The following RPTOR variants were observed in gnomAD, a reference collection of about 807,000 sequenced individuals.
RPTOR encodes the protein regulatory associated protein of MTOR complex 1, also known as regulatory-associated protein of mTOR.
Under a neutral mutation model 169.9 loss-of-function variants are expected in RPTOR, and 21 were observed. That is an observed-to-expected ratio of 0.12 (90% CI 0.09 to 0.18). RPTOR has a LOEUF of 0.18. Ranked by LOEUF, RPTOR falls within the 10% of genes least tolerant of loss-of-function variation. The pLI, the probability that RPTOR is intolerant of heterozygous loss-of-function variation, is 1.00. For missense variants in RPTOR, 1,133 were observed against 1,855.9 expected, an observed-to-expected ratio of 0.61 and a Z score of 7.16; for synonymous variants, 732 against 753.2, an observed-to-expected ratio of 0.97 and a Z score of 0.46.
Position 80,959,343 on chromosome 17 carries a change from G to T in RPTOR, c.3478-735G>T, listed in dbSNP as rs1247922913. ...CAGTGGGGGCTTAGAGGCCCAGGTGGCCTGCGGGGCAGGTGCTGTTCCTGC... is the reference window on the plus strand; with the variant it reads ...CAGTGGGGGCTTAGAGGCCCAGGTGTCCTGCGGGGCAGGTGCTGTTCCTGC... On this transcript the variant is annotated intron_variant, in intron 29 of 33. Transcript: ENST00000306801. The surrounding 1 kb of genome is among the most constrained non-coding windows in gnomAD (Gnocchi z 6.7). Among the ~76,000 whole-genome samples, 1 of 152,184 alleles carries T rather than the reference G, an allele frequency of 6.6e-6. No homozygotes were observed. The highest frequency in any genetic ancestry group is 2.4e-5 in the African/African-American group (1 of 41,456).
At position 80,966,359 on chromosome 17, in the gene RPTOR, C is replaced by T; in HGVS notation, c.*2029C>T. ...GCAGAGAGTGACCAACAGTAAACAA[C>T]ACGCGCAGACTCCGCGGCTGGCGGC... On this transcript the variant is annotated 3_prime_UTR_variant, in exon 34 of 34. Coordinates refer to ENST00000306801, the MANE Select transcript of RPTOR (RefSeq NM_020761.3). 4.4e-6 allele frequency: 1 copy of T among 226,740 alleles called. No individual in the cohort carries two copies. The highest frequency in any genetic ancestry group is 6.3e-5 in the East Asian group (1 of 15,800). 14.0% of individuals were successfully genotyped at this position (226,740 alleles called of 1,614,324 possible). A position where few individuals can be genotyped will look rare whatever the true frequency, so the allele number is the denominator to read the frequency against.
chr17:80,900,562 C>T (rs928173283), intron 20 of RPTOR, among the ~76,000 whole-genome samples: 4 of 152,292 alleles, frequency 2.6e-5, no homozygotes, highest in South Asian at 2.1e-4. Flanking sequence ...GTGATCTGCG[C>T]GCCTCAGCCT....
At position 80,925,489 on chromosome 17, in the gene RPTOR, G is replaced by A. The variant is rs758800999; in HGVS notation, c.2919+9G>A. The A allele has an allele frequency of 2.3e-5, 37 of 1,605,524 alleles. 1 individual carries two copies. The highest frequency in any genetic ancestry group is 8.9e-5 in the East Asian group (4 of 44,838). On this transcript the variant is annotated intron_variant, in intron 24 of 33. Coordinates refer to ENST00000306801, the MANE Select transcript of RPTOR (RefSeq NM_020761.3). ...CCCAGCCCGTCATGAAGGTGCGCCC[G>A]GGGTGTGGGGTTCAGAGTAGAGTCC...
intron 3 of RPTOR, among the ~76,000 whole-genome samples, chr17:80,682,117 C>G (rs113675891): frequency 3.1e-5 from 4 of 127,928 alleles, no homozygotes; most frequent in Non-Finnish European, 6.5e-5. Context: ...TCCCCCCCCC[C>G]ACCCCAAACA....
chr17:80,963,027 C>T lies in RPTOR; in HGVS notation c.3909C>T (p.Ala1303=), dbSNP rs199535107. Residue 1303 remains alanine, a synonymous_variant, in exon 33 of 34, where the codon GCC becomes GCT. Coordinates refer to ENST00000306801, the MANE Select transcript of RPTOR (RefSeq NM_020761.3). ...GCTTCATGGGCCAGCGGGTCGGCGC[C>T]ATCAGCTGCCTGGCCTTCCACCCGC... ...YDGFMGQRVG[A]ISCLAFHPHW... 10 of 1,604,396 alleles carry T rather than the reference C, an allele frequency of 6.2e-6. No individual in the cohort carries two copies. The African/African-American group carries it at 1.1e-4, about 17-fold the overall frequency.
At chr17:80,743,711 T>TG (rs2066510086) in intron 5 of RPTOR, among the ~76,000 whole-genome samples, 1 of 70,142 alleles carries the variant, frequency 1.4e-5, no homozygotes. Context: ...CTACTAGCAC[T>TG]GTCCTGGCTA....
chr17:80,716,030 G>A (rs1440887620), intron 4 of RPTOR, among the ~76,000 whole-genome samples: 4 of 152,154 alleles, frequency 2.6e-5, no homozygotes, highest in Admixed American at 6.5e-5. Context: ...ATAAACATGC[G>A]TGTGCAAGTA....
intron 1 of RPTOR, among the ~76,000 whole-genome samples, chr17:80,599,134 C>G (rs1296648929): frequency 6.6e-6 from 1 of 152,130 alleles, no homozygotes; most frequent in Non-Finnish European, 1.5e-5. Flanking sequence ...TCCCTGTTCC[C>G]TCCCGTTGAA....
chr17:80,915,981 T>G (rs1411679837), intron 21 of RPTOR, among the ~76,000 whole-genome samples: 1 of 152,162 alleles, frequency 6.6e-6, no homozygotes, highest in Non-Finnish European at 1.5e-5. Flanking sequence ...AGCTACCAAC[T>G]GTGGGTCTCC....
At position 80,789,205 on chromosome 17, in the gene RPTOR, A is replaced by G. The variant is rs149174066; in HGVS notation, c.831-2245A>G. ...TCTGGCCAACTATGAATCTGTTTTT[A>G]TTGACTTTTTTCTCTTGATTTTAGA... On this transcript the variant is annotated intron_variant, in intron 6 of 33. Coordinates refer to ENST00000306801, the MANE Select transcript of RPTOR (RefSeq NM_020761.3). Among the ~76,000 whole-genome samples the G allele has an allele frequency of 2.1e-4, 32 of 152,122 alleles. No homozygotes were observed. The East Asian group carries it at 5.6e-3, about 27-fold the overall frequency.
intron 1 of RPTOR, among the ~76,000 whole-genome samples, chr17:80,572,162 A>G (rs969252447): frequency 1.3e-5 from 2 of 152,140 alleles, no homozygotes; most frequent in Non-Finnish European, 2.9e-5. Flanking sequence ...CAGTGGCACC[A>G]TCACGGCTCA....
rs2067372918 is a variant in RPTOR at position 80,820,975 on chromosome 17, T to C, written c.891-1226T>C. 6.6e-6 allele frequency among the ~76,000 whole-genome samples: 1 copy of C among 152,244 alleles called. No homozygotes were observed. Among genetic ancestry groups the C allele is most frequent in the Non-Finnish European group, 1.5e-5 (1 of 68,030 alleles). On this transcript the variant is annotated intron_variant, in intron 7 of 33. Coordinates refer to ENST00000306801, the MANE Select transcript of RPTOR (RefSeq NM_020761.3). The surrounding 1 kb of genome is among the most constrained non-coding windows in gnomAD (Gnocchi z 4.1). The stretch of plus-strand genomic sequence containing the variant: ...AATCTTTGTTTGAGACTTCCGGCAT[T>C]GTTTGAGCAGCAGTGCTGCTTTAGA...
intron 3 of RPTOR, among the ~76,000 whole-genome samples, chr17:80,700,385 A>T (rs867150421): frequency 3.3e-5 from 5 of 149,324 alleles, no homozygotes; most frequent in Middle Eastern, 3.2e-3. Context: ...GGTGGTGGTG[A>T]TGGTGGTAGT....
At chr17:80,658,068 T>G (rs1382837465) in intron 3 of RPTOR, among the ~76,000 whole-genome samples, 1 of 152,218 alleles carries the variant, frequency 6.6e-6, no homozygotes, top group Non-Finnish European at 1.5e-5. Flanking sequence ...TGCAAGAATC[T>G]TGATGCATTT....
At chr17:80,759,594 C>T (rs1197979726) in intron 6 of RPTOR, among the ~76,000 whole-genome samples, 2 of 151,700 alleles carry the variant, frequency 1.3e-5, no homozygotes, top group African/African-American at 4.8e-5. Context: ...TGTCTATGGC[C>T]TGTGAGTGGT....
chr17:80,811,503 T>C (rs2067271336), intron 7 of RPTOR, among the ~76,000 whole-genome samples: 1 of 152,186 alleles, frequency 6.6e-6, no homozygotes, highest in African/African-American at 2.4e-5. Context: ...ATCTCACATG[T>C]GTTCTTCTCT....
chr17:80,760,307 C>CTTTTTTTTTTTTTTT (rs71164001), intron 6 of RPTOR, among the ~76,000 whole-genome samples: 1 of 116,508 alleles, frequency 8.6e-6, no homozygotes, highest in South Asian at 2.8e-4. Flanking sequence ...TTTCTTTTTT[C>CTTTTTTTTTTTTTTT]TTTTTTTTTT....
At chr17:80,857,627 ATCTGGAGGAAGCCCC>A (rs1337093735) in intron 12 of RPTOR, among the ~76,000 whole-genome samples, 148 bp from the exon 13 acceptor site, 2 of 152,200 alleles carry the variant, frequency 1.3e-5, no homozygotes, top group African/African-American at 4.8e-5. Flanking sequence ...AGATGAATAA[ATCTGGAGGAAGCCCC>A]TCTTTACTTT....
intron 6 of RPTOR, among the ~76,000 whole-genome samples, chr17:80,755,770 AG>A (rs2066674870): frequency 6.6e-6 from 1 of 151,634 alleles, no homozygotes; most frequent in Non-Finnish European, 1.5e-5. Flanking sequence ...AAACAAAAAA[AG>A]AGGGGAGAGG....
Sources: gnomAD v4.1 joint callset for allele counts (sites outside exome capture counted in the v4.1 genomes callset) on GRCh38, gnomAD v4.1.1 for gene constraint, Gnocchi (gnomAD v3.1) non-coding constraint, MANE v1.5 for transcripts, NCBI Gene and HGNC (gene_info 2026-07-23, HGNC 2026-07-21) for gene names.